SV2C: variants seen among roughly 807,000 people sequenced by gnomAD.
The protein encoded by SV2C is solute carrier family 22 member B3.
In SV2C, 49 loss-of-function variants were observed where a neutral mutation model predicts 79.7. That is an observed-to-expected ratio of 0.61 (90% confidence interval 0.49 to 0.78). The LOEUF is 0.78. SV2C is among the 30% of genes least tolerant of loss of function. The pLI is 0.00. For synonymous variants in SV2C, 334 were observed against 333.2 expected, an observed-to-expected ratio of 1.00 and a Z score of -0.03; for missense variants, 833 against 912.9, an observed-to-expected ratio of 0.91 and a Z score of 1.13.
chr5:76,051,029 A>AAC, the SV2C span, among the ~76,000 whole-genome samples: 1 of 152,246 alleles, frequency 6.6e-6, no homozygotes, highest in African/African-American at 2.4e-5. Flanking sequence ...AAATACAGTC[A>AAC]ACACAAACAA....
At chr5:75,923,092 A>T in the SV2C span, among the ~76,000 whole-genome samples, 1 of 152,226 alleles carries the variant, frequency 6.6e-6, no homozygotes, top group African/African-American at 2.4e-5. Flanking sequence ...AGAACCAAAT[A>T]GATGACCTAG....
chr5:75,932,922 A>G, the SV2C span, among the ~76,000 whole-genome samples: 1 of 152,162 alleles, frequency 6.6e-6, no homozygotes, highest in Non-Finnish European at 1.5e-5. Context: ...TTAATAAATG[A>G]TGACAATGGC....
chr5:75,894,261 C>A, the SV2C span, among the ~76,000 whole-genome samples: 1 of 152,028 alleles, frequency 6.6e-6, no homozygotes, highest in Non-Finnish European at 1.5e-5. Flanking sequence ...AATTAGAACA[C>A]TGGCATACTT....
the SV2C span, among the ~76,000 whole-genome samples, chr5:75,933,341 A>G: frequency 6.6e-6 from 1 of 152,236 alleles, no homozygotes; most frequent in African/African-American, 2.4e-5. Flanking sequence ...TCTACTGGAC[A>G]GCAAACTTCT....
intron 2 of SV2C, among the ~76,000 whole-genome samples, chr5:76,168,573 G>A (rs1326101113): frequency 2.7e-4 from 41 of 152,138 alleles, no homozygotes; most frequent in Admixed American, 2.2e-3. Flanking sequence ...CAAGATGGTC[G>A]GCTCCGGGCC....
chr5:75,916,028 G>T, the SV2C span, among the ~76,000 whole-genome samples: 1 of 152,142 alleles, frequency 6.6e-6, no homozygotes, highest in Non-Finnish European at 1.5e-5. Context: ...TCAGGCTAAG[G>T]AATGGAAATA....
At chr5:75,906,137 A>G in the SV2C span, among the ~76,000 whole-genome samples, 1 of 152,006 alleles carries the variant, frequency 6.6e-6, no homozygotes, top group Non-Finnish European at 1.5e-5. Flanking sequence ...CCAGTAGATG[A>G]CAGTAACAAG....
intron 4 of SV2C, among the ~76,000 whole-genome samples, chr5:76,251,396 A>C (rs1746114208): frequency 6.6e-6 from 1 of 151,968 alleles, no homozygotes; most frequent in Non-Finnish European, 1.5e-5. Flanking sequence ...AATAATAATA[A>C]TAATAATTAG....
At chr5:76,334,400 A>G (rs1749271531), downstream of SV2C, among the ~76,000 whole-genome samples, 1 of 152,210 alleles carries the variant, frequency 6.6e-6, no homozygotes. Context: ...CCGTGACTGC[A>G]TTTAACAGAA....
chr5:75,949,035 G>T, the SV2C span, among the ~76,000 whole-genome samples: 8 of 151,868 alleles, frequency 5.3e-5, no homozygotes, highest in Non-Finnish European at 1.0e-4. Flanking sequence ...TCCCTCATGG[G>T]TTGGTGCTAT....
the SV2C span, chr5:75,911,094 A>G: frequency 7.0e-7 from 1 of 1,418,786 alleles, no homozygotes; most frequent in Non-Finnish European, 9.9e-7. Context: ...GCCCGGGGGA[A>G]GATAATTCTG....
the SV2C span, among the ~76,000 whole-genome samples, chr5:76,032,266 A>G: frequency 6.6e-6 from 1 of 150,812 alleles, no homozygotes; most frequent in Non-Finnish European, 1.5e-5. Context: ...TATTATTATT[A>G]TACTTTAAGT....
chr5:76,104,598 A>G (rs1276536505), intron 1 of SV2C, among the ~76,000 whole-genome samples: 1 of 152,178 alleles, frequency 6.6e-6, no homozygotes, highest in Non-Finnish European at 1.5e-5. Context: ...TTTATCAGCA[A>G]CCTCTGACAT....
chr5:76,309,599 C>CA (rs769865757), intron 12 of SV2C, among the ~76,000 whole-genome samples: 2,017 of 18,620 alleles, frequency 0.11, 301 homozygotes, highest in African/African-American at 0.12. Flanking sequence ...AACTCCATCT[C>CA]AAAAAAAAAA....
intron 4 of SV2C, among the ~76,000 whole-genome samples, chr5:76,242,611 A>C (rs1036870106): frequency 6.6e-6 from 1 of 152,212 alleles, no homozygotes; most frequent in Non-Finnish European, 1.5e-5. Context: ...GTACAGAAAC[A>C]AAATGCTGCG....
At chr5:76,010,310 G>A in the SV2C span, among the ~76,000 whole-genome samples, 3 of 152,030 alleles carry the variant, frequency 2.0e-5, no homozygotes, top group Non-Finnish European at 2.9e-5. Context: ...CGTCAGGGTG[G>A]GGGATCACTC....
intron 1 of SV2C, among the ~76,000 whole-genome samples, chr5:76,123,990 C>G (rs2112168721): frequency 6.6e-6 from 1 of 152,264 alleles, no homozygotes; most frequent in Middle Eastern, 3.4e-3. Flanking sequence ...AATAAAATTG[C>G]TGATTGTCAA....
chr5:75,948,353 G>A, the SV2C span, among the ~76,000 whole-genome samples: 2 of 152,060 alleles, frequency 1.3e-5, no homozygotes, highest in African/African-American at 2.4e-5. Flanking sequence ...ACATACATTT[G>A]TTTATCCAAC....
At chr5:76,239,552 G>A (rs755954660) in intron 4 of SV2C, among the ~76,000 whole-genome samples, 2 of 152,172 alleles carry the variant, frequency 1.3e-5, no homozygotes, top group Non-Finnish European at 2.9e-5. Context: ...AGTATTATGT[G>A]AAGACTTATC....
Sources: allele counts gnomAD v4.1 joint callset (sites outside exome capture counted in the v4.1 genomes callset), GRCh38; gene constraint gnomAD v4.1.1; transcripts MANE v1.5; gene names NCBI Gene and HGNC (gene_info 2026-07-23, HGNC 2026-07-21).